The following CPM variants were observed in gnomAD, a reference collection of about 807,000 sequenced individuals.
The protein encoded by CPM is carboxypeptidase M.
In CPM, 35 loss-of-function variants were observed where a neutral mutation model predicts 46.4. That is an observed-to-expected ratio of 0.75 (90% confidence interval 0.58 to 1.00). CPM has a LOEUF of 1.00. Among genes scored for constraint, CPM ranks in the 50% least tolerant of loss-of-function variants. The pLI is 0.00. For synonymous variants in CPM, 195 were observed against 195.3 expected (o/e 1.00, Z 0.01); for missense variants, 422 against 530.4 (o/e 0.80, Z 2.01).
chr12:68,906,226 T>C (rs1260086487), intron 2 of CPM, among the ~76,000 whole-genome samples: 1 of 152,146 alleles, frequency 6.6e-6, no homozygotes, highest in African/African-American at 2.4e-5. Flanking sequence ...CAGGTATATC[T>C]TCAGATGACC....
intron 1 of CPM, among the ~76,000 whole-genome samples, chr12:68,952,258 A>G (rs1888947443): frequency 6.6e-6 from 1 of 152,224 alleles, no homozygotes. Context: ...ATGGGCCTTC[A>G]AGGAAATGCC....
chr12:68,930,700 C>T (rs1191484059), intron 2 of CPM, among the ~76,000 whole-genome samples: 6 of 152,300 alleles, frequency 3.9e-5, no homozygotes, highest in African/African-American at 1.2e-4. Context: ...AGAGTGCATA[C>T]AAGGTAAAAT....
Position 68,940,100 on chromosome 12 carries a change from AT to A in CPM, c.-3-7261del, listed in dbSNP as rs371993577. 4.4e-4 allele frequency among the ~76,000 whole-genome samples: 66 copies of A among 151,348 alleles called. No homozygotes were observed. The East Asian group carries it at 9.5e-3, about 22-fold the overall frequency. ...CTATTTTTATTTCTTTGGTATTTTTATTTTTTCATTTTTCTTCTTTCATCTC... is the reference window on the plus strand; with the variant it reads ...CTATTTTTATTTCTTTGGTATTTTTATTTTTCATTTTTCTTCTTTCATCTC... On this transcript the variant is annotated intron_variant, in intron 1 of 8. Transcript: ENST00000546373.
chr12:68,908,157 C>T (rs979838850), intron 2 of CPM, among the ~76,000 whole-genome samples: 30 of 152,168 alleles, frequency 2.0e-4, no homozygotes, highest in Admixed American at 2.0e-3. Context: ...TTATCTCAAA[C>T]TCATTTTTGT....
At chr12:68,893,413 A>G (rs930328737) in intron 2 of CPM, among the ~76,000 whole-genome samples, 7 of 152,180 alleles carry the variant, frequency 4.6e-5, no homozygotes, top group African/African-American at 9.7e-5. Flanking sequence ...CAGGATCCCA[A>G]TGAAGCTTAA....
At chr12:68,936,054 G>C (rs1366047454), upstream of CPM, among the ~76,000 whole-genome samples, 2 of 152,126 alleles carry the variant, frequency 1.3e-5, no homozygotes, top group Non-Finnish European at 2.9e-5. Context: ...CTTCAGGAAG[G>C]AGTCAGAGAA....
At chr12:68,962,199 C>CAAAAAA (rs763014081) in intron 1 of CPM, among the ~76,000 whole-genome samples, 4 of 29,486 alleles carry the variant, frequency 1.4e-4, no homozygotes, top group African/African-American at 2.9e-4. Context: ...GACTCCATCT[C>CAAAAAA]AAAAAAAAAA....
rs73336494 is a variant in CPM at position 68,868,574 on chromosome 12, G to A, written c.787+751C>T. Among the ~76,000 whole-genome samples, 230 of 152,034 alleles carry A rather than the reference G, an allele frequency of 1.5e-3. 1 individual carries two copies. The highest frequency in any genetic ancestry group is 5.2e-3 in the African/African-American group (216 of 41,446). ...TTCCACCCTAGGTCCCTCCTACCCC[G>A]GGTTTCTGTTTATATTATTCCCTCT... On this transcript the variant is annotated intron_variant, in intron 6 of 8. Coordinates refer to ENST00000551568, the MANE Select transcript of CPM (RefSeq NM_198320.5).
chr12:68,932,559 T>C, intron 2 of CPM, 119 bp downstream of exon 2: 1 of 1,198,812 alleles, frequency 8.3e-7, no homozygotes, highest in Non-Finnish European at 1.2e-6. Flanking sequence ...ACCGGTTGAC[T>C]TGTTCTGTGC....
At chr12:68,844,207 T>C in intron 5 of CPM, 1 of 209,802 alleles carries the variant, frequency 4.8e-6, no homozygotes, top group Non-Finnish European at 9.7e-6. Context: ...TATTTGATCT[T>C]AAATTTTTAT....
chr12:68,842,448 G>A (rs1883854309), intron 5 of CPM: 15 of 443,430 alleles, frequency 3.4e-5, no homozygotes, highest in South Asian at 2.6e-4. Flanking sequence ...TGGAGACTTA[G>A]AACCTCTAAA....
chr12:68,927,521 T>A (rs1218765160), intron 2 of CPM, among the ~76,000 whole-genome samples: 1 of 152,138 alleles, frequency 6.6e-6, no homozygotes, highest in Non-Finnish European at 1.5e-5. Flanking sequence ...GGTTGCCTGT[T>A]CACTCTGATG....
chr12:68,923,782 T>C (rs1888137413), intron 2 of CPM, among the ~76,000 whole-genome samples: 1 of 152,236 alleles, frequency 6.6e-6, no homozygotes, highest in African/African-American at 2.4e-5. Flanking sequence ...AAATGCAGAT[T>C]GGTTTGGCTC....
At chr12:68,866,702 A>G (rs1885465405) in intron 7 of CPM, 194 bp downstream of exon 7, 1 of 538,382 alleles carries the variant, frequency 1.9e-6, no homozygotes, top group Admixed American at 3.5e-5. Context: ...TTCCTTTTCT[A>G]TGAATGAGTG....
chr12:68,931,785 A>C (rs1384308215), intron 2 of CPM, among the ~76,000 whole-genome samples: 1 of 151,266 alleles, frequency 6.6e-6, no homozygotes, highest in African/African-American at 2.4e-5. Flanking sequence ...GAAAGAAAGA[A>C]AGAAAGATGA....
intron 2 of CPM, among the ~76,000 whole-genome samples, chr12:68,916,815 G>T (rs1887823473): frequency 6.6e-6 from 1 of 150,504 alleles, no homozygotes; most frequent in African/African-American, 2.5e-5. Context: ...TTGAACTCAG[G>T]AAGCGGAGGT....
At chr12:68,882,826 C>T (rs956561016) in intron 3 of CPM, among the ~76,000 whole-genome samples, 1 of 152,050 alleles carries the variant, frequency 6.6e-6, no homozygotes, top group Admixed American at 6.6e-5. Flanking sequence ...TTGTTAGACA[C>T]TTTTTCATAT....
chr12:68,931,404 T>C (rs902043509), intron 2 of CPM, among the ~76,000 whole-genome samples: 1 of 152,102 alleles, frequency 6.6e-6, no homozygotes, highest in Non-Finnish European at 1.5e-5. Context: ...CTAAGTTTTC[T>C]GGTAACCTCT....
chr12:68,885,157 C>G (rs192764217), intron 3 of CPM, among the ~76,000 whole-genome samples: 4 of 152,236 alleles, frequency 2.6e-5, no homozygotes, highest in Non-Finnish European at 4.4e-5. Flanking sequence ...GTTGGCCAGG[C>G]TGGTCTTGAA....
Sources: allele counts gnomAD v4.1 joint callset (sites outside exome capture counted in the v4.1 genomes callset), GRCh38; gene constraint gnomAD v4.1.1; transcripts MANE v1.5; gene names NCBI Gene and HGNC (gene_info 2026-07-23, HGNC 2026-07-21).